Variants in NRXN1 observed in about 807,000 individuals in gnomAD.
NRXN1 encodes neurexin 1, also known as neurexin-1.
Under a neutral mutation model 150.9 loss-of-function variants are expected in NRXN1, and 39 were observed. The ratio of observed to expected loss-of-function variants is 0.26; its 90% CI spans 0.20 to 0.34. The LOEUF is 0.34. Among genes scored for constraint, NRXN1 ranks in the 10% least tolerant of loss-of-function variants. NRXN1 has a pLI of 1.00. For missense variants in NRXN1, 1,815 were observed against 1,949.9 expected, an observed-to-expected ratio of 0.93 and a Z score of 1.30; for synonymous variants, 924 against 757.0, an observed-to-expected ratio of 1.22 and a Z score of -3.62.
At chr2:50,107,150 A>G (rs926763174) in intron 18 of NRXN1, among the ~76,000 whole-genome samples, 1 of 151,882 alleles carries the variant, frequency 6.6e-6, no homozygotes, top group Non-Finnish European at 1.5e-5. Context: ...CCACATACAG[A>G]TTAGCTGAGC....
chr2:50,694,990 G>C (rs1383460550), intron 5 of NRXN1, among the ~76,000 whole-genome samples: 2 of 152,056 alleles, frequency 1.3e-5, no homozygotes, highest in African/African-American at 4.8e-5. Flanking sequence ...AAATTGATCT[G>C]GGAGTGCCTT....
chr2:50,055,017 A>G lies in NRXN1; in HGVS notation c.3746T>C (p.Ile1249Thr). ...AGNNDNERLA[I>T]ARQRIPYRLG... ...TCGATATGGAATTCGCTGTCTAGCA[A>G]TCGCCAGGCGCTCGTTATCATTGTT... Residue 1249 changes from isoleucine to threonine, a missense_variant, in exon 20 of 23, where the codon ATT (isoleucine) becomes ACT (threonine). Transcript: ENST00000401669. 1 of 1,601,852 alleles carries G rather than the reference A, an allele frequency of 6.2e-7. No homozygotes were observed. The highest frequency in any genetic ancestry group is 8.5e-7 in the Non-Finnish European group (1 of 1,175,400).
intron 5 of NRXN1, among the ~76,000 whole-genome samples, chr2:50,882,308 C>G (rs1165788016): frequency 1.3e-5 from 2 of 151,870 alleles, no homozygotes; most frequent in Non-Finnish European, 2.9e-5. Flanking sequence ...GTTTTTCCAA[C>G]ATTTCCTCTG....
intron 21 of NRXN1, among the ~76,000 whole-genome samples, chr2:49,983,792 T>C (rs1359860939): frequency 6.6e-6 from 1 of 152,206 alleles, no homozygotes; most frequent in Non-Finnish European, 1.5e-5. Flanking sequence ...TTTAACAAAA[T>C]ATAATCAATA....
At chr2:50,724,697 G>A (rs2105150086) in intron 5 of NRXN1, among the ~76,000 whole-genome samples, 1 of 152,154 alleles carries the variant, frequency 6.6e-6, no homozygotes, top group African/African-American at 2.4e-5. Context: ...GACAGCTAAA[G>A]AAGCAAACAA....
At chr2:50,902,840 C>T (rs761341601) in intron 5 of NRXN1, among the ~76,000 whole-genome samples, 13 of 152,096 alleles carry the variant, frequency 8.5e-5, no homozygotes, top group African/African-American at 1.9e-4. Context: ...TAAGAAAATG[C>T]TTTTTACAAG....
chr2:50,534,046 A>G (rs2093189231), intron 10 of NRXN1, among the ~76,000 whole-genome samples: 1 of 151,934 alleles, frequency 6.6e-6, no homozygotes, highest in African/African-American at 2.4e-5. Context: ...AAGTGCCCCC[A>G]CAATGCCAGG....
At chr2:50,145,412 T>C (rs1707860663) in intron 18 of NRXN1, among the ~76,000 whole-genome samples, 1 of 151,726 alleles carries the variant, frequency 6.6e-6, no homozygotes, top group Non-Finnish European at 1.5e-5. Flanking sequence ...TAATATCGTC[T>C]TACATAATCA....
intron 15 of NRXN1, among the ~76,000 whole-genome samples, chr2:50,479,213 C>T (rs1337908006): frequency 6.6e-6 from 1 of 152,204 alleles, no homozygotes; most frequent in Non-Finnish European, 1.5e-5. Context: ...CACAGTCCGA[C>T]CTTTAGTCAA....
At chr2:50,285,782 G>T (rs922749674) in intron 17 of NRXN1, among the ~76,000 whole-genome samples, 1 of 151,630 alleles carries the variant, frequency 6.6e-6, no homozygotes, top group Admixed American at 6.6e-5. Context: ...TCAACTTTAC[G>T]AAATGATCTT....
intron 19 of NRXN1, among the ~76,000 whole-genome samples, chr2:50,072,737 C>A (rs760323355): frequency 6.6e-6 from 1 of 151,990 alleles, no homozygotes; most frequent in African/African-American, 2.4e-5. Context: ...AATTCCAAGC[C>A]CAACTTGGAC....
intron 18 of NRXN1, among the ~76,000 whole-genome samples, chr2:50,232,086 G>A (rs905865540): frequency 1.3e-5 from 2 of 152,040 alleles, no homozygotes; most frequent in African/African-American, 4.8e-5. Context: ...GTAAGGAAGA[G>A]AGATGAAGAA....
At chr2:50,021,793 A>G (rs2152560332) in intron 21 of NRXN1, among the ~76,000 whole-genome samples, 1 of 152,312 alleles carries the variant, frequency 6.6e-6, no homozygotes, top group Non-Finnish European at 1.5e-5. Context: ...TAGTTTCTTT[A>G]TGACCCTATA....
chr2:50,281,972 A>G (rs2071520608), intron 17 of NRXN1, among the ~76,000 whole-genome samples: 3 of 152,214 alleles, frequency 2.0e-5, no homozygotes, highest in Non-Finnish European at 1.5e-5. Context: ...TTGAGAAATT[A>G]ATTCCATTGT....
chr2:50,546,189 G>T (rs2093490103), intron 9 of NRXN1, among the ~76,000 whole-genome samples: 1 of 152,080 alleles, frequency 6.6e-6, no homozygotes, highest in Non-Finnish European at 1.5e-5. Flanking sequence ...TGAACAAGAA[G>T]AATGCATGAG....
chr2:50,391,334 G>C (rs2081676692), intron 17 of NRXN1, among the ~76,000 whole-genome samples: 2 of 148,706 alleles, frequency 1.3e-5, no homozygotes, highest in Admixed American at 6.7e-5. Flanking sequence ...AAGGGGAATT[G>C]AAAAAAAAAT....
intron 5 of NRXN1, among the ~76,000 whole-genome samples, chr2:50,832,725 C>G (rs1671586373): frequency 6.6e-6 from 1 of 152,070 alleles, no homozygotes; most frequent in Non-Finnish European, 1.5e-5. Flanking sequence ...CAATGCAGAA[C>G]TCATACAAAG....
At chr2:50,318,773 A>G (rs956863270) in intron 17 of NRXN1, among the ~76,000 whole-genome samples, 11 of 152,146 alleles carry the variant, frequency 7.2e-5, no homozygotes, top group African/African-American at 2.4e-4. Context: ...TTTAAAAAGT[A>G]AGAAGATTAT....
At chr2:50,997,193 G>C (rs371239103) in intron 2 of NRXN1, among the ~76,000 whole-genome samples, 1 of 151,960 alleles carries the variant, frequency 6.6e-6, no homozygotes, top group African/African-American at 2.4e-5. Flanking sequence ...ATTATGTCTT[G>C]GCCTTCAGAA....
Sources: gnomAD v4.1 joint callset for allele counts (sites outside exome capture counted in the v4.1 genomes callset) on GRCh38, gnomAD v4.1.1 for gene constraint, MANE v1.5 for transcripts, NCBI Gene and HGNC (gene_info 2026-07-23, HGNC 2026-07-21) for gene names.